ATG7: variants seen among roughly 807,000 people sequenced by gnomAD.
The protein encoded by ATG7 is autophagy related 7.
Under a neutral mutation model 82.4 loss-of-function variants are expected in ATG7, and 70 were observed. That is an observed-to-expected ratio of 0.85 (90% confidence interval 0.70 to 1.04). The LOEUF is 1.04. ATG7 is among the 50% of genes least tolerant of loss of function. The pLI is 0.00. For missense variants in ATG7, 792 were observed against 864.3 expected, an observed-to-expected ratio of 0.92 and a Z score of 1.05; for synonymous variants, 287 against 313.0, an observed-to-expected ratio of 0.92 and a Z score of 0.88.
intron 20 of ATG7, among the ~76,000 whole-genome samples, chr3:11,487,405 G>A (rs2089815543): frequency 1.8e-5 from 1 of 56,298 alleles, no homozygotes; most frequent in Non-Finnish European, 4.5e-5. Context: ...TTCCCAGTAG[G>A]GGCGGCCGGG....
chr3:11,283,483 T>C (rs957564736), intron 3 of ATG7, among the ~76,000 whole-genome samples: 2 of 152,160 alleles, frequency 1.3e-5, no homozygotes, highest in African/African-American at 4.8e-5. Flanking sequence ...TAAATCCAGG[T>C]GCAGGGGGGT....
At chr3:11,331,475 A>G (rs370278762) in intron 10 of ATG7, 47 bp downstream of exon 10, 11 of 1,423,228 alleles carry the variant, frequency 7.7e-6, no homozygotes, top group Middle Eastern at 1.8e-4. Context: ...CTTTGCCAGT[A>G]TATGTTTTAC....
intron 19 of ATG7, among the ~76,000 whole-genome samples, chr3:11,425,354 A>G (rs11128550): frequency 0.83 from 125,806 of 152,178 alleles, 52,197 homozygotes; most frequent in East Asian, 1. Context: ...TGGAATTGCT[A>G]GATTAAAGGG....
intron 20 of ATG7, among the ~76,000 whole-genome samples, chr3:11,546,077 G>A (rs1314381507): frequency 1.7e-3 from 1 of 582 alleles, no homozygotes; most frequent in Non-Finnish European, 0.012. Context: ...GGTCAAGGCT[G>A]CAGTGAGTTA....
chr3:11,333,822 A>G (rs370961216), intron 11 of ATG7, among the ~76,000 whole-genome samples: 2 of 146,910 alleles, frequency 1.4e-5, no homozygotes, highest in East Asian at 2.0e-4. Context: ...ATCTTGGCTC[A>G]CTGCAAGCTC....
intron 9 of ATG7, among the ~76,000 whole-genome samples, chr3:11,321,433 T>G (rs985572679): frequency 2.0e-5 from 3 of 152,048 alleles, no homozygotes; most frequent in Admixed American, 2.0e-4. Flanking sequence ...GTGACCAGCA[T>G]GCAGCTGGTC....
intron 19 of ATG7, among the ~76,000 whole-genome samples, chr3:11,414,460 G>A (rs1270129677): frequency 1.3e-5 from 2 of 152,100 alleles, no homozygotes; most frequent in Non-Finnish European, 2.9e-5. Context: ...TATTTATTTG[G>A]ATTTTCTACG....
intron 20 of ATG7, among the ~76,000 whole-genome samples, chr3:11,493,730 G>A (rs894389078): frequency 7.9e-5 from 12 of 152,160 alleles, no homozygotes; most frequent in African/African-American, 1.9e-4. Flanking sequence ...AAAAGTTTCC[G>A]TGATACAGCC....
chr3:11,276,150 TCTC>T (rs1941741144), intron 1 of ATG7, among the ~76,000 whole-genome samples: 2 of 152,294 alleles, frequency 1.3e-5, no homozygotes, highest in South Asian at 2.1e-4. Flanking sequence ...TATTCATTCC[TCTC>T]CTCAACCTCC....
chr3:11,285,728 CACAG>C (rs1943886999), intron 3 of ATG7, among the ~76,000 whole-genome samples: 1 of 152,100 alleles, frequency 6.6e-6, no homozygotes, highest in Non-Finnish European at 1.5e-5. Flanking sequence ...GTGTGTGACA[CACAG>C]CTTTTATCTT....
rs1006711569 is a variant in ATG7 at position 11,334,553 on chromosome 3, T to C, written c.889+1460T>C. On this transcript the variant is annotated intron_variant, in intron 11 of 20. Transcript: ENST00000693202. ...GTCACTGAGCCTGGCCTCATATATA[T>C]TATTTAGCTTGTTCCTTATATCATC... is the stretch of plus-strand genomic sequence containing the variant. 6.7e-4 allele frequency among the ~76,000 whole-genome samples: 101 copies of C among 150,516 alleles called. 2 individuals are homozygous for C. The highest frequency in any genetic ancestry group is 2.6e-4 in the Non-Finnish European group (18 of 67,932).
chr3:11,573,304 A>G, the ATG7 span, among the ~76,000 whole-genome samples: 1,332 of 11,922 alleles, frequency 0.11, 119 homozygotes, highest in Admixed American at 0.14. Context: ...AGAAAGAAAG[A>G]AAGGAAGGAA....
intron 18 of ATG7, among the ~76,000 whole-genome samples, chr3:11,372,915 T>A (rs1392966577): frequency 1.3e-5 from 2 of 151,088 alleles, no homozygotes; most frequent in Non-Finnish European, 3.0e-5. Context: ...GAGAAAACAA[T>A]ATTCAGGTGA....
At chr3:11,317,802 A>C (rs964257545) in intron 9 of ATG7, among the ~76,000 whole-genome samples, 1 of 152,054 alleles carries the variant, frequency 6.6e-6, no homozygotes, top group Non-Finnish European at 1.5e-5. Flanking sequence ...CATATTGGCC[A>C]GGCTAGTCTC....
intron 11 of ATG7, among the ~76,000 whole-genome samples, chr3:11,334,340 G>C (rs910556508): frequency 1.3e-5 from 2 of 151,892 alleles, no homozygotes; most frequent in African/African-American, 4.8e-5. Context: ...CGCCTCCCAG[G>C]TTCAAGTGAT....
intron 11 of ATG7, among the ~76,000 whole-genome samples, chr3:11,335,854 C>T (rs556663962): frequency 1.3e-5 from 2 of 152,146 alleles, no homozygotes; most frequent in South Asian, 2.1e-4. Flanking sequence ...CGTGCCACCA[C>T]GCCTTGCTAA....
intron 19 of ATG7, among the ~76,000 whole-genome samples, chr3:11,422,708 A>G (rs1183330573): frequency 1.6e-5 from 2 of 126,006 alleles, no homozygotes; most frequent in Middle Eastern, 5.6e-3. Flanking sequence ...AGCTTTTGAC[A>G]TGCCTTCCTC....
intron 11 of ATG7, among the ~76,000 whole-genome samples, chr3:11,338,109 CA>C (rs1952832138): frequency 6.6e-6 from 1 of 152,138 alleles, no homozygotes; most frequent in Admixed American, 6.5e-5. Flanking sequence ...TCCCTCCTCC[CA>C]CCCTTCACCC....
chr3:11,336,109 A>T (rs1473881011), intron 11 of ATG7, among the ~76,000 whole-genome samples: 1 of 142,726 alleles, frequency 7.0e-6, no homozygotes, highest in Non-Finnish European at 1.5e-5. Flanking sequence ...GCAGGATCTC[A>T]GCTTACTGCA....
Sources: gnomAD v4.1 joint callset for allele counts (sites outside exome capture counted in the v4.1 genomes callset) on GRCh38, gnomAD v4.1.1 for gene constraint, MANE v1.5 for transcripts, NCBI Gene and HGNC (gene_info 2026-07-23, HGNC 2026-07-21) for gene names.